The following NOL4 variants were observed in gnomAD, a reference collection of about 807,000 sequenced individuals.
The protein encoded by NOL4 is cancer/testis antigen 125.
In NOL4, 17 loss-of-function variants were observed where a neutral mutation model predicts 75.9. That is an observed-to-expected ratio of 0.22 (90% confidence interval 0.15 to 0.34). The LOEUF (loss-of-function observed/expected upper bound fraction) is 0.34. Among genes scored for constraint, NOL4 ranks in the 10% least tolerant of loss-of-function variants. The probability of loss-of-function intolerance (pLI) is 1.00; values close to 1 mark genes in which losing one functional copy is unlikely to be tolerated. For synonymous variants in NOL4, 292 were observed against 289.9 expected, an observed-to-expected ratio of 1.01 and a Z score of -0.07; for missense variants, 614 against 793.5, an observed-to-expected ratio of 0.77 and a Z score of 2.72.
At chr18:33,982,932 T>A (rs2072095637) in intron 6 of NOL4, among the ~76,000 whole-genome samples, 1 of 151,928 alleles carries the variant, frequency 6.6e-6, no homozygotes, top group African/African-American at 2.4e-5. Flanking sequence ...TTATATTTAG[T>A]AGAGATGGGG....
chr18:33,951,420 G>A (rs1262009199), intron 8 of NOL4, among the ~76,000 whole-genome samples: 1 of 152,020 alleles, frequency 6.6e-6, no homozygotes, highest in Non-Finnish European at 1.5e-5. Flanking sequence ...TTGCTCTTCT[G>A]TGGTTTTACT....
chr18:33,949,787 A>C (rs1017276828), intron 8 of NOL4, among the ~76,000 whole-genome samples: 1 of 152,114 alleles, frequency 6.6e-6, no homozygotes, highest in Non-Finnish European at 1.5e-5. Context: ...CCTTATTTTT[A>C]GAATATTATT....
At chr18:33,998,056 G>A (rs2073421281) in intron 6 of NOL4, among the ~76,000 whole-genome samples, 1 of 151,998 alleles carries the variant, frequency 6.6e-6, no homozygotes, top group African/African-American at 2.4e-5. Flanking sequence ...TTCCCTATGT[G>A]AAATGTCTAG....
intron 9 of NOL4, among the ~76,000 whole-genome samples, chr18:33,916,684 G>C (rs183824169): frequency 5.7e-4 from 86 of 152,202 alleles, no homozygotes; most frequent in African/African-American, 2.0e-3. Flanking sequence ...TTTCATATCT[G>C]TTTTGCTAGT....
intron 6 of NOL4, among the ~76,000 whole-genome samples, chr18:33,982,046 AAAATAT>A (rs2072004689): frequency 6.6e-6 from 1 of 152,132 alleles, no homozygotes; most frequent in South Asian, 2.1e-4. Context: ...AGTAAAAATA[AAAATAT>A]AATTGATACG....
chr18:33,930,222 CTTCA>C (rs1314915301), intron 9 of NOL4, among the ~76,000 whole-genome samples: 1 of 151,854 alleles, frequency 6.6e-6, no homozygotes, highest in African/African-American at 2.4e-5. Flanking sequence ...TTTGTGTTTC[CTTCA>C]TTTTTATGTT....
intron 5 of NOL4, among the ~76,000 whole-genome samples, chr18:34,067,909 TCAGTGCATAGG>T (rs2077349024): frequency 1.3e-5 from 2 of 152,002 alleles, no homozygotes; most frequent in African/African-American, 4.8e-5. Context: ...ACATGAGTCA[TCAGTGCATAGG>T]CAGTAGTTAA....
intron 1 of NOL4, among the ~76,000 whole-genome samples, chr18:34,215,670 C>A (rs2036837930): frequency 6.6e-6 from 1 of 152,104 alleles, no homozygotes. Flanking sequence ...TGTTTCTAGA[C>A]ATACTTAATT....
At chr18:34,101,899 G>GT (rs961624665) in intron 4 of NOL4, among the ~76,000 whole-genome samples, 7 of 151,952 alleles carry the variant, frequency 4.6e-5, no homozygotes, top group African/African-American at 1.7e-4. Context: ...TTCTTAAAAT[G>GT]TAAGACTCTA....
chr18:33,918,719 T>C (rs571726216), intron 9 of NOL4, among the ~76,000 whole-genome samples: 9 of 152,204 alleles, frequency 5.9e-5, no homozygotes, highest in Non-Finnish European at 1.3e-4. Flanking sequence ...TTGGCATATA[T>C]GTTTGGGTGA....
intron 9 of NOL4, among the ~76,000 whole-genome samples, chr18:33,897,210 T>C (rs1279745555): frequency 1.3e-5 from 2 of 152,168 alleles, no homozygotes; most frequent in African/African-American, 2.4e-5. Flanking sequence ...AGTATGGTGA[T>C]TCCTCAAAGA....
chr18:34,201,337 C>A (rs919340212), intron 1 of NOL4, among the ~76,000 whole-genome samples: 1 of 151,714 alleles, frequency 6.6e-6, no homozygotes, highest in Non-Finnish European at 1.5e-5. Flanking sequence ...GGCACAGAGA[C>A]ATTAAGTAAC....
At chr18:34,134,935 C>T (rs1044234933) in intron 1 of NOL4, among the ~76,000 whole-genome samples, 1 of 152,032 alleles carries the variant, frequency 6.6e-6, no homozygotes, top group African/African-American at 2.4e-5. Context: ...CATGCCCAAA[C>T]CAGTGCTAAA....
chr18:34,019,914 T>A lies in NOL4; in HGVS notation c.773-313A>T, dbSNP rs549569049. On this transcript the variant is annotated intron_variant, in intron 5 of 10. Transcript: ENST00000261592. The stretch of plus-strand genomic sequence containing the variant: ...GAATGGCTTGGTGCCATCCCCATGG[T>A]AATGAGTGAGTTCTTGCTCTGGGAG... 4.6e-5 allele frequency among the ~76,000 whole-genome samples: 7 copies of A among 151,930 alleles called. No individual in the cohort carries two copies. The East Asian group carries it at 1.2e-3, about 25-fold the overall frequency.
chr18:34,206,444 C>T (rs1341408863), intron 1 of NOL4, among the ~76,000 whole-genome samples: 11 of 151,986 alleles, frequency 7.2e-5, no homozygotes, highest in Non-Finnish European at 1.6e-4. Context: ...TTAGAATAGG[C>T]CTGCTGGAAA....
rs535318307 is a variant in NOL4, at chr18:34,019,667, G to A, written c.773-66C>T. ...TGCTATTCAGAGTCTACTTCAACTA[G>A]CATTTATTGAGCTCCCATTATATGA... On this transcript the variant is annotated intron_variant, in intron 5 of 10. Transcript: ENST00000261592. 10 of 1,409,656 alleles carry A rather than the reference G, an allele frequency of 7.1e-6. No individual in the cohort carries two copies. In the South Asian group the frequency reaches 1.4e-4, roughly 19 times the overall value. The allele number at this position is 1,409,656 out of a possible 1,614,324, so 87.3% of individuals were successfully genotyped here. A position where few individuals can be genotyped will look rare whatever the true frequency, so the allele number is the denominator to read the frequency against.
At chr18:34,213,327 T>C (rs1880387285) in intron 1 of NOL4, among the ~76,000 whole-genome samples, 1 of 152,204 alleles carries the variant, frequency 6.6e-6, no homozygotes, top group Non-Finnish European at 1.5e-5. Context: ...TCTCACTCTG[T>C]CACCCAGGCT....
At chr18:34,084,161 C>T (rs980563096) in intron 5 of NOL4, among the ~76,000 whole-genome samples, 7 of 152,148 alleles carry the variant, frequency 4.6e-5, no homozygotes, top group Non-Finnish European at 1.0e-4. Flanking sequence ...GATCAGAGAC[C>T]CACTTAAATA....
At position 34,117,908 on chromosome 18, in the gene NOL4, T is replaced by C. The variant is rs112175488; in HGVS notation, c.414+11963A>G. ...CAAATCATGAGTAGTAACAATCACT[T>C]TATAAAGCAAGCAAACAAAAATAAG... On this transcript the variant is annotated intron_variant, in intron 2 of 10. Coordinates refer to ENST00000261592, the MANE Select transcript of NOL4 (RefSeq NM_003787.5). Among the ~76,000 whole-genome samples the C allele has an allele frequency of 3.7e-3, 562 of 152,262 alleles. 3 individuals carry two copies. The highest frequency in any genetic ancestry group is 5.2e-3 in the Non-Finnish European group (352 of 68,020).
Sources: allele counts gnomAD v4.1 joint callset (sites outside exome capture counted in the v4.1 genomes callset), GRCh38; gene constraint gnomAD v4.1.1; transcripts MANE v1.5; gene names NCBI Gene and HGNC (gene_info 2026-07-23, HGNC 2026-07-21).